ZNF625: variants seen among roughly 807,000 people sequenced by gnomAD.
The protein encoded by ZNF625 is zinc finger protein 625.
In ZNF625, 8 loss-of-function variants were observed where a neutral mutation model predicts 11.1. The observed-to-expected ratio is 0.72, with a 90% confidence interval of 0.42 to 1.30. The LOEUF is 1.30. ZNF625 is among the 50% of genes most tolerant of loss of function. The pLI, the probability that ZNF625 is intolerant of heterozygous loss-of-function variation, is 0.01. For synonymous variants in ZNF625, 145 were observed against 153.4 expected (o/e 0.95, Z 0.41); for missense variants, 349 against 447.6 (o/e 0.78, Z 1.99).
chr19:12,151,208 T>C (rs923378170), intron 1 of ZNF625, among the ~76,000 whole-genome samples: 6 of 150,912 alleles, frequency 4.0e-5, no homozygotes, highest in Non-Finnish European at 8.9e-5. Context: ...GTATTTCTTT[T>C]TTTTTTTTTT....
intron 1 of ZNF625, among the ~76,000 whole-genome samples, chr19:12,150,811 T>G (rs748139673): frequency 6.6e-6 from 1 of 152,160 alleles, no homozygotes; most frequent in Non-Finnish European, 1.5e-5. Flanking sequence ...TCCAGAACTC[T>G]GGGTCAGACT....
At chr19:12,156,289 G>A (rs370850335) in intron 1 of ZNF625, among the ~76,000 whole-genome samples, 1 of 152,208 alleles carries the variant, frequency 6.6e-6, no homozygotes, top group South Asian at 2.1e-4. Flanking sequence ...GACTACGGGC[G>A]CGGAGCTCCC....
intron 1 of ZNF625, among the ~76,000 whole-genome samples, chr19:12,150,350 C>T (rs544201840): frequency 2.6e-4 from 40 of 152,260 alleles, no homozygotes; most frequent in African/African-American, 8.2e-4. Context: ...AGGCTTTGAC[C>T]TTGTCCTACA....
intron 1 of ZNF625, among the ~76,000 whole-genome samples, chr19:12,153,276 C>CG (rs955069760): frequency 2.0e-5 from 3 of 147,694 alleles, no homozygotes; most frequent in African/African-American, 7.6e-5. Flanking sequence ...ACTTGAACTT[C>CG]GGGGGAGAAG....
At chr19:12,153,653 C>A (rs1976987852) in intron 1 of ZNF625, among the ~76,000 whole-genome samples, 1 of 143,418 alleles carries the variant, frequency 7.0e-6, no homozygotes, top group Non-Finnish European at 1.5e-5. Flanking sequence ...CAGTGCACTC[C>A]AGCCTGGGTG....
At position 12,146,130 on chromosome 19, in the gene ZNF625, T is replaced by A. The variant is rs753525552; in HGVS notation, c.286A>T (p.Thr96Ser). 6.2e-7 allele frequency: 1 copy of A among 1,613,874 alleles called. No individual in the cohort carries two copies. The highest frequency in any genetic ancestry group is 8.5e-7 in the Non-Finnish European group (1 of 1,179,968). Residue 96 changes from threonine (T) to serine (S), a missense_variant, in exon 4 of 4, where the codon ACT becomes TCT. By Grantham distance (58) the Thr-to-Ser change is moderately conservative. Coordinates refer to ENST00000439556, the MANE Select transcript of ZNF625 (RefSeq NM_145233.4). ...QVPDDMLKKK[T>S]PRVKSCGEVS... ...TCTCCACATGATTTTACTCGGGGAG[T>A]TTTCTTCTTCAGCATGTCATCTGGA...
chr19:12,156,444 G>T (rs1381289893), intron 1 of ZNF625, 112 bp downstream of exon 1: 3 of 896,552 alleles, frequency 3.3e-6, no homozygotes, highest in Non-Finnish European at 4.5e-6. Context: ...GGGGGACTCC[G>T]CTCTGCAGAC....
rs752701225 is a variant in ZNF625 at position 12,146,029 on chromosome 19, T to C, written c.387A>G (p.Glu129=). ...TACATTTATATGGCTTCTGTCCATA[T>C]TCCTGATACTCATATGGCTTGTGTC... ...DTGHKPYEYQ[E]YGQKPYKCTY... Residue 129 remains glutamate, a synonymous_variant, in exon 4 of 4, where the codon GAA becomes GAG. Transcript: ENST00000439556. 4 of 1,614,212 alleles carry C rather than the reference T, an allele frequency of 2.5e-6. No homozygotes were observed. Among genetic ancestry groups the C allele is most frequent in the Non-Finnish European group, 3.4e-6 (4 of 1,180,046 alleles).
At position 12,147,735 on chromosome 19, in the gene ZNF625, G is replaced by C. The variant is rs747024475; in HGVS notation, c.71C>G (p.Ser24Cys). 4 of 1,613,964 alleles carry C rather than the reference G, an allele frequency of 2.5e-6. No individual in the cohort carries two copies. The African/African-American group carries it at 5.3e-5, about 22-fold the overall frequency. ...TQEEWALLDP[S>C]QKNLYRDVMQ... ...CACATCTCTGTAGAGATTCTTCTGG[G>C]AAGGATCCAGCAAAGCCCACTCCTC... The change falls in exon 2 of 4, where the codon TCC becomes TGC. Residue 24 changes from serine to cysteine, a missense_variant. Transcript: ENST00000439556.
intron 1 of ZNF625, among the ~76,000 whole-genome samples, chr19:12,155,204 C>A (rs1292811566): frequency 7.1e-6 from 1 of 140,890 alleles, no homozygotes; most frequent in Non-Finnish European, 1.5e-5. Flanking sequence ...CCAGCCTGGG[C>A]GAGAGTGAGG....
rs534761350 is a variant in ZNF625, at chr19:12,145,604, C to T, written c.812G>A (p.Gly271Glu). 4 of 1,614,164 alleles carry T rather than the reference C, an allele frequency of 2.5e-6. No homozygotes were observed. Among genetic ancestry groups the T allele is most frequent in the Non-Finnish European group, 3.4e-6 (4 of 1,180,030 alleles). The change falls in exon 4 of 4, where the codon GGG (glycine) becomes GAG (glutamate). Residue 271 changes from glycine to glutamate, a missense_variant. Gly to Glu is a moderately conservative substitution (Grantham distance 98). Coordinates refer to ENST00000439556, the MANE Select transcript of ZNF625 (RefSeq NM_145233.4). ...CTGTTTACATTCATACGGCTTCTCC[C>T]CAGTGTGAGTTATTTTATGTGCATG... ...CLHAHKITHT[G>E]EKPYECKQCG...
intron 1 of ZNF625, 94 bp from the exon 2 acceptor site, chr19:12,147,896 A>T: frequency 3.4e-6 from 5 of 1,455,942 alleles, no homozygotes; most frequent in African/African-American, 1.4e-5. Flanking sequence ...GGTGCTATGG[A>T]CTCCAAACAT....
At chr19:12,147,939 T>A in intron 1 of ZNF625, 137 bp from the exon 2 acceptor site, 1 of 1,013,470 alleles carries the variant, frequency 9.9e-7, no homozygotes. Context: ...GACTTTTTAC[T>A]CTGTCAACAC....
intron 2 of ZNF625, 110 bp from the exon 3 acceptor site, chr19:12,147,565 AT>A: frequency 6.4e-7 from 1 of 1,557,424 alleles, no homozygotes; most frequent in South Asian, 1.1e-5. Context: ...TCACATTCCT[AT>A]TCCCTGTCCT....
rs112941447 is a variant in ZNF625 at position 12,151,395 on chromosome 19, T to G, written c.4-3593A>C. Among the ~76,000 whole-genome samples, 8 of 149,426 alleles carry G rather than the reference T, an allele frequency of 5.4e-5. No individual in the cohort carries two copies. In the South Asian group the frequency reaches 1.7e-3, roughly 32 times the overall value. On this transcript the variant is annotated intron_variant, in intron 1 of 3. Transcript: ENST00000439556. ...CTGGGTAATTTTTTTTTTTTTTTTT[T>G]TTTGAGACGGAGTCTCGCTCTGTCG...
intron 3 of ZNF625, 57 bp from the exon 4 acceptor site, chr19:12,146,281 A>G (rs541191335): frequency 1.3e-6 from 2 of 1,487,400 alleles, no homozygotes; most frequent in African/African-American, 2.8e-5. Flanking sequence ...TTTGATATTC[A>G]TTAACAAGTC....
At chr19:12,149,019 C>T (rs2145610716) in intron 1 of ZNF625, among the ~76,000 whole-genome samples, 1 of 152,116 alleles carries the variant, frequency 6.6e-6, no homozygotes, top group East Asian at 1.9e-4. Context: ...TTGAAAACCA[C>T]TGTTAACAAT....
Position 12,145,319 on chromosome 19 carries a change from C to T in ZNF625, c.1097G>A (p.Gly366Asp). The change falls in exon 4 of 4, where the codon GGC (glycine) becomes GAC (aspartate). Residue 366 changes from glycine (G) to aspartate (D), a missense_variant. By Grantham distance (94) the Gly-to-Asp change is moderately conservative. Coordinates refer to ENST00000439556, the MANE Select transcript of ZNF625 (RefSeq NM_145233.4). ...GAATTAAGCAATCTTCTCGCCTTGG[C>T]CTTTCGAAGTGTTGGAGCTACAGGG... ...EKPCSSNTSK[G>D]QGEKIA is the part of the protein sequence containing the mutation. The T allele has an allele frequency of 1.2e-6, 2 of 1,610,682 alleles. No individual in the cohort carries two copies. The highest frequency in any genetic ancestry group is 2.2e-5 in the South Asian group (2 of 90,512).
intron 1 of ZNF625, among the ~76,000 whole-genome samples, chr19:12,148,959 T>C (rs960249239): frequency 6.6e-6 from 1 of 151,978 alleles, no homozygotes; most frequent in Non-Finnish European, 1.5e-5. Flanking sequence ...CTTTTGTGTC[T>C]ACTTATTTTC....
Sources: gnomAD v4.1 joint callset for allele counts (sites outside exome capture counted in the v4.1 genomes callset) on GRCh38, gnomAD v4.1.1 for gene constraint, MANE v1.5 for transcripts, NCBI Gene and HGNC (gene_info 2026-07-23, HGNC 2026-07-21) for gene names.